TNFAIP2: variants seen among roughly 807,000 people sequenced by gnomAD.
TNFAIP2 encodes tumor necrosis factor alpha-induced protein 2.
TNFAIP2 carries 47 observed loss-of-function variants against 63.5 expected under a neutral mutation model. The observed-to-expected ratio is 0.74, with a 90% CI of 0.59 to 0.94. The LOEUF (loss-of-function observed/expected upper bound fraction) is 0.94. Ranked by LOEUF, TNFAIP2 falls within the 40% of genes least tolerant of loss-of-function variation. TNFAIP2 has a pLI of 0.00. For synonymous variants in TNFAIP2, 405 were observed against 390.2 expected (o/e 1.04, Z -0.45); for missense variants, 787 against 850.2 (o/e 0.93, Z 0.92).
chr14:103,129,600 TG>T, intron 3 of TNFAIP2, 139 bp from the exon 4 acceptor site: 1 of 671,558 alleles, frequency 1.5e-6, no homozygotes, highest in Non-Finnish European at 2.6e-6. Context: ...TCATCTGAAA[TG>T]GGGACCGGGT....
Position 103,127,398 on chromosome 14 carries a change from C to T in TNFAIP2, c.629C>T (p.Ala210Val). The change falls in exon 3 of 12, where the codon GCC becomes GTC. Residue 210 changes from alanine to valine, a missense_variant. By Grantham distance (64) the Ala-to-Val change is moderately conservative. This residue lies in a region of TNFAIP2 where 523 missense variants were observed against 604.1 expected (regional missense o/e 0.87). Transcript: ENST00000560869. The surrounding 1 kb of genome is among the most constrained non-coding windows in gnomAD (Gnocchi z 5.1). ...ATGGGCCAGCGGCCGGCCGCGGGCG[C>T]CGAGGTCCCCGAGAGCGTCTTTCTG... is the stretch of plus-strand genomic sequence containing the variant. ...ERMGQRPAAG[A>V]EVPESVFLHL... The T allele has an allele frequency of 6.5e-7, 1 of 1,545,734 alleles. No individual in the cohort carries two copies. The highest frequency in any genetic ancestry group is 8.7e-7 in the Non-Finnish European group (1 of 1,152,878).
At position 103,127,924 on chromosome 14, in the gene TNFAIP2, TGGTA is replaced by T. The variant is rs1254376170; in HGVS notation, c.860+298_860+301del. On this transcript the variant is annotated intron_variant, in intron 3 of 11. Coordinates refer to ENST00000560869, the MANE Select transcript of TNFAIP2 (RefSeq NM_006291.4). The surrounding 1 kb of genome is among the most constrained non-coding windows in gnomAD (Gnocchi z 5.1). The stretch of plus-strand genomic sequence containing the variant: ...GTTGGGGAAACTGAGGCACAGAAAA[TGGTA>T]GGGATTTCATTCACGAGCGCCCAGT... Among the ~76,000 whole-genome samples, 3 of 151,684 alleles carry T rather than the reference TGGTA, an allele frequency of 2.0e-5. No individual in the cohort carries two copies. The highest frequency in any genetic ancestry group is 2.1e-4 in the South Asian group (1 of 4,790).
Position 103,135,608 on chromosome 14 carries a change from CTT to C in TNFAIP2, c.*250_*251del, listed in dbSNP as rs1468338252. On this transcript the variant is annotated 3_prime_UTR_variant, in exon 12 of 12. Transcript: ENST00000560869. The surrounding 1 kb of genome is among the most constrained non-coding windows in gnomAD (Gnocchi z 7.6). ...AGCCAACCAGGCAACACCAAGGACT[CTT>C]TGTAAACGATAGCTGATCGTGTGCA... The C allele has an allele frequency of 2.2e-6, 3 of 1,389,158 alleles. No individual in the cohort carries two copies. Among genetic ancestry groups the C allele is most frequent in the African/African-American group, 2.9e-5 (2 of 68,688 alleles). The allele number at this position is 1,389,158 out of a possible 1,614,324, so 86.1% of individuals were successfully genotyped here. A position where few individuals can be genotyped will look rare whatever the true frequency, so the allele number is the denominator to read the frequency against.
chr14:103,127,769 GTGGGACTTGGACTCCC>G lies in TNFAIP2; in HGVS notation c.860+145_860+160del, dbSNP rs1268193705. 3.0e-6 allele frequency: 3 copies of G among 1,002,530 alleles called. No individual in the cohort carries two copies. Among genetic ancestry groups the G allele is most frequent in the Non-Finnish European group, 4.1e-6 (3 of 728,856 alleles). The allele number at this position is 1,002,530 out of a possible 1,614,324, so 62.1% of individuals were successfully genotyped here. A position where few individuals can be genotyped will look rare whatever the true frequency, so the allele number is the denominator to read the frequency against. ...GAGTTTTGGGTCCGAGAATGCAGGG[GTGGGACTTGGACTCCC>G]TGGGGCAGAGCCTGGACAGGCAGAG... is the stretch of plus-strand genomic sequence containing the variant. On this transcript the variant is annotated intron_variant, in intron 3 of 11. Coordinates refer to ENST00000560869, the MANE Select transcript of TNFAIP2 (RefSeq NM_006291.4). This position sits in a 1 kb window ranked among gnomAD's most constrained non-coding sequence, Gnocchi z 5.1.
In TNFAIP2 at chr14:103,127,528, C is replaced by G; in HGVS notation, c.759C>G (p.Tyr253Ter). ...FGVVAAYAES[Y>*]HQHFAAHLAA... is the part of the protein sequence containing the mutation. ...TCGTGGCGGCCTACGCCGAGAGCTA[C>G]CACCAGCACTTCGCGGCCCACCTGG... The change falls in exon 3 of 12, where the codon TAC (tyrosine) becomes TAG (stop). Residue 253 changes from tyrosine (Y) to a stop codon, truncating the protein, a stop_gained. Transcript: ENST00000560869. LOFTEE classifies it high-confidence loss of function. This position sits in a 1 kb window ranked among gnomAD's most constrained non-coding sequence, Gnocchi z 5.1. 5.0e-6 allele frequency: 8 copies of G among 1,589,470 alleles called. No homozygotes were observed. Among genetic ancestry groups the G allele is most frequent in the Non-Finnish European group, 6.8e-6 (8 of 1,175,058 alleles).
intron 10 of TNFAIP2, 27 bp downstream of exon 10, chr14:103,133,544 C>T (rs1158053606): frequency 1.2e-6 from 2 of 1,609,306 alleles, no homozygotes; most frequent in Middle Eastern, 3.3e-4. Flanking sequence ...CTCTCCCAAG[C>T]CCCTCTGAAA....
chr14:103,135,825 G>C lies in TNFAIP2; in HGVS notation c.*465G>C. ...CCTCTGCAGCCCAGGGCCGCCGTGA[G>C]CGGGATTCAGCAATGGTGGAATGGA... On this transcript the variant is annotated 3_prime_UTR_variant, in exon 12 of 12. Transcript: ENST00000560869. The surrounding 1 kb of genome is among the most constrained non-coding windows in gnomAD (Gnocchi z 7.6). 3 of 1,292,724 alleles carry C rather than the reference G, an allele frequency of 2.3e-6. No homozygotes were observed. The highest frequency in any genetic ancestry group is 3.0e-6 in the Non-Finnish European group (3 of 991,176). The allele number at this position is 1,292,724 out of a possible 1,614,324, so 80.1% of individuals were successfully genotyped here.
In TNFAIP2 at chr14:103,126,475, T is replaced by G. The variant is rs1595275767; in HGVS notation, c.18T>G (p.Ser6=). 2 of 1,597,000 alleles carry G rather than the reference T, an allele frequency of 1.3e-6. No homozygotes were observed. The highest frequency in any genetic ancestry group is 1.7e-4 in the Middle Eastern group (1 of 6,026). Residue 6 remains serine (S), a synonymous_variant, in exon 2 of 12, where the codon TCT becomes TCG. Coordinates refer to ENST00000560869, the MANE Select transcript of TNFAIP2 (RefSeq NM_006291.4). ...AGGCCTCCATGTCGGAGGCCTCCTC[T>G]GAGGACCTGGTGCCACCCCTGGAGG... The part of the protein sequence containing the change: MSEAS[S]EDLVPPLEAG...
Position 103,126,496 on chromosome 14 carries a change from G to A in TNFAIP2, c.39G>A (p.Leu13=), listed in dbSNP as rs753038953. Residue 13 remains leucine (L), a synonymous_variant, in exon 2 of 12, where the codon CTG becomes CTA. Transcript: ENST00000560869. ...EASSEDLVPP[L]EAGAAPYREE... ...CCTCTGAGGACCTGGTGCCACCCCT[G>A]GAGGCTGGGGCAGCCCCATATAGGG... The A allele has an allele frequency of 6.3e-7, 1 of 1,595,302 alleles. No individual in the cohort carries two copies. The highest frequency in any genetic ancestry group is 8.5e-7 in the Non-Finnish European group (1 of 1,171,324).
chr14:103,131,635 C>G lies in TNFAIP2; in HGVS notation c.1299-4C>G. 6.3e-7 allele frequency: 1 copy of G among 1,589,300 alleles called. No individual in the cohort carries two copies. Among genetic ancestry groups the G allele is most frequent in the Non-Finnish European group, 8.5e-7 (1 of 1,173,786 alleles). ...GGGGTGACCTCTCTGCCTCCACCTT[C>G]CAGGATGTCCATGGAGCAGAATTGG... On this transcript the variant is annotated splice_region_variant and splice_polypyrimidine_tract_variant and intron_variant, in intron 7 of 11. Coordinates refer to ENST00000560869, the MANE Select transcript of TNFAIP2 (RefSeq NM_006291.4). The surrounding 1 kb of genome is among the most constrained non-coding windows in gnomAD (Gnocchi z 4.0).
At chr14:103,133,184 A>G (rs1205270577) in intron 9 of TNFAIP2, among the ~76,000 whole-genome samples, 178 bp from the exon 10 acceptor site, 1 of 98,026 alleles carries the variant, frequency 1.0e-5, no homozygotes, top group African/African-American at 6.8e-5. Context: ...ACATGTGAAC[A>G]CACACGCATG....
In TNFAIP2 at chr14:103,131,270, A is replaced by G. The variant is rs2087966955; in HGVS notation, c.1298+120A>G. ...AAGAAGTGGAATTCAAACCAGCAAC[A>G]TGTGTGAGGACTCCACGGCCTGCAG... On this transcript the variant is annotated intron_variant, in intron 7 of 11. Transcript: ENST00000560869. This position sits in a 1 kb window ranked among gnomAD's most constrained non-coding sequence, Gnocchi z 4.0. 1 of 1,083,538 alleles carries G rather than the reference A, an allele frequency of 9.2e-7. No individual in the cohort carries two copies. The highest frequency in any genetic ancestry group is 1.4e-6 in the Non-Finnish European group (1 of 725,746). The allele number at this position is 1,083,538 out of a possible 1,614,324, so 67.1% of individuals were successfully genotyped here.
rs2234146 is a variant in TNFAIP2, at chr14:103,133,719, C to T, written c.1739C>T (p.Thr580Met). Residue 580 changes from threonine (T) to methionine (M), a missense_variant, in exon 11 of 12, where the codon ACG (threonine) becomes ATG (methionine). By Grantham distance (81) the Thr-to-Met change is moderately conservative. Transcript: ENST00000560869. ...PATWLQPALP[T>M]LAEIIRLQDP... ...ACCTGGCTGCAGCCTGCTCTCCCTA[C>T]GCTGGCCGAGATCATTCGCCTGCAG... 2,132 of 1,595,764 alleles carry T rather than the reference C, an allele frequency of 1.3e-3. 28 individuals carry two copies. The African/African-American group carries it at 0.024, about 18-fold the overall frequency.
chr14:103,126,311 AG>A lies in TNFAIP2; in HGVS notation c.-146del. 1 of 628,148 alleles carries A rather than the reference AG, an allele frequency of 1.6e-6. No individual in the cohort carries two copies. The highest frequency in any genetic ancestry group is 2.0e-5 in the South Asian group (1 of 49,062). 38.9% of individuals were successfully genotyped at this position (628,148 alleles called of 1,614,324 possible). ...GATGCCTTCACCCCCACCCCGCAGG[AG>A]CCTGCAGGCCTGAACCAGGGTGATG... On this transcript the variant is annotated splice_region_variant and 5_prime_UTR_variant, in exon 2 of 12. Coordinates refer to ENST00000560869, the MANE Select transcript of TNFAIP2 (RefSeq NM_006291.4).
Position 103,136,075 on chromosome 14 carries a change from G to A in TNFAIP2, c.*715G>A, listed in dbSNP as rs2088089811. The A allele has an allele frequency of 3.3e-6, 4 of 1,205,636 alleles. No homozygotes were observed. The South Asian group carries it at 5.7e-5, about 17-fold the overall frequency. The allele number at this position is 1,205,636 out of a possible 1,614,324, so 74.7% of individuals were successfully genotyped here. A position where few individuals can be genotyped will look rare whatever the true frequency, so the allele number is the denominator to read the frequency against. The stretch of plus-strand genomic sequence containing the variant: ...CGAGGGCTTGGTGTCTACTACCGAA[G>A]GGCCCAAGACCTCCTGGGTCCTCTC... On this transcript the variant is annotated 3_prime_UTR_variant, in exon 12 of 12. Coordinates refer to ENST00000560869, the MANE Select transcript of TNFAIP2 (RefSeq NM_006291.4).
chr14:103,126,580 C>T lies in TNFAIP2; in HGVS notation c.123C>T (p.Ala41=). 2 of 1,555,608 alleles carry T rather than the reference C, an allele frequency of 1.3e-6. No individual in the cohort carries two copies. Among genetic ancestry groups the T allele is most frequent in the Non-Finnish European group, 1.7e-6 (2 of 1,149,558 alleles). Reference sequence around the variant, plus strand: ...AGAAGAAGAAGTCCAAAGGCCTGGCCAATGTGTTCTGCGTCTTCACCAAAG... The same window carrying T: ...AGAAGAAGAAGTCCAAAGGCCTGGCTAATGTGTTCTGCGTCTTCACCAAAG... ...KEKKKKSKGL[A]NVFCVFTKGK... The change falls in exon 2 of 12, where the codon GCC becomes GCT. Residue 41 remains alanine (A), a synonymous_variant. Coordinates refer to ENST00000560869, the MANE Select transcript of TNFAIP2 (RefSeq NM_006291.4).
Position 103,126,373 on chromosome 14 carries a change from C to A in TNFAIP2, c.-85C>A. 1 of 916,100 alleles carries A rather than the reference C, an allele frequency of 1.1e-6. No individual in the cohort carries two copies. Among genetic ancestry groups the A allele is most frequent in the Non-Finnish European group, 1.6e-6 (1 of 608,596 alleles). The allele number at this position is 916,100 out of a possible 1,614,324, so 56.7% of individuals were successfully genotyped here. A position where few individuals can be genotyped will look rare whatever the true frequency, so the allele number is the denominator to read the frequency against. On this transcript the variant is annotated 5_prime_UTR_variant, in exon 2 of 12. Coordinates refer to ENST00000560869, the MANE Select transcript of TNFAIP2 (RefSeq NM_006291.4). ...TGACCTTCTTCCAAGGCCTCTAGAG[C>A]CATCAGCCTGTGCCAGGCACCCTCG...
At position 103,129,956 on chromosome 14, in the gene TNFAIP2, G is replaced by A. The variant is rs767108414; in HGVS notation, c.976-46G>A. On this transcript the variant is annotated intron_variant, in intron 4 of 11. Coordinates refer to ENST00000560869, the MANE Select transcript of TNFAIP2 (RefSeq NM_006291.4). The stretch of plus-strand genomic sequence containing the variant: ...GGAGCTTGACGGGTCTTCCAGGTGA[G>A]CGAGGTGAGGGATAGTGCCCCAGTG... The A allele has an allele frequency of 6.8e-6, 11 of 1,606,724 alleles. No homozygotes were observed. The African/African-American group carries it at 1.3e-4, about 20-fold the overall frequency.
In TNFAIP2 at chr14:103,127,007, GA is replaced by G; in HGVS notation, c.239del (p.Glu80GlyfsTer3). 8.3e-7 allele frequency: 1 copy of G among 1,205,494 alleles called. No homozygotes were observed. The highest frequency in any genetic ancestry group is 2.6e-5 in the South Asian group (1 of 39,162). 74.7% of individuals were successfully genotyped at this position (1,205,494 alleles called of 1,614,324 possible). ...CTGACGCGGCTTTCCCGGCGCAGTG[GA>G]GGAGCTGAAGGCGGCGCTGGAGCGC... is the stretch of plus-strand genomic sequence containing the variant. ...QGLDGPPPTV[E>X]ELKAALERGQ... On this transcript the variant is annotated frameshift_variant, in exon 3 of 12. Coordinates refer to ENST00000560869, the MANE Select transcript of TNFAIP2 (RefSeq NM_006291.4). LOFTEE classifies it high-confidence loss of function. The surrounding 1 kb of genome is among the most constrained non-coding windows in gnomAD (Gnocchi z 5.1).
Sources: allele counts gnomAD v4.1 joint callset (sites outside exome capture counted in the v4.1 genomes callset), GRCh38; gene constraint gnomAD v4.1.1; regional missense constraint gnomAD v4.1.1; non-coding constraint Gnocchi (gnomAD v3.1); transcripts MANE v1.5; gene names NCBI Gene and HGNC (gene_info 2026-07-23, HGNC 2026-07-21).